DSCAM: variants seen among roughly 807,000 people sequenced by gnomAD.
The protein encoded by DSCAM is cell adhesion molecule DSCAM.
Under a neutral mutation model 217.7 loss-of-function variants are expected in DSCAM, and 47 were observed. The observed-to-expected ratio is 0.22, with a 90% CI of 0.17 to 0.28. The LOEUF (loss-of-function observed/expected upper bound fraction) is 0.28, where lower values mean the gene tolerates loss of function less well. DSCAM is among the 10% of genes least tolerant of loss of function. DSCAM has a pLI of 1.00. For missense variants in DSCAM, 2,080 were observed against 2,618.3 expected (o/e 0.79, Z 4.49); for synonymous variants, 1,056 against 1,015.3 (o/e 1.04, Z -0.76).
chr21:40,328,287 A>G (rs76782524), intron 8 of DSCAM, among the ~76,000 whole-genome samples: 15,490 of 152,132 alleles, frequency 0.1, 1,028 homozygotes, highest in African/African-American at 0.19. Context: ...ACTTCCATAA[A>G]ATCATAGACC....
intron 3 of DSCAM, among the ~76,000 whole-genome samples, chr21:40,455,696 G>A (rs538335888): frequency 9.9e-5 from 15 of 152,276 alleles, no homozygotes; most frequent in African/African-American, 3.4e-4. Flanking sequence ...TTGAATCCAG[G>A]AGGTGGAGGT....
At chr21:40,223,465 A>G (rs190536379) in intron 11 of DSCAM, among the ~76,000 whole-genome samples, 33 of 152,302 alleles carry the variant, frequency 2.2e-4, no homozygotes, top group Admixed American at 2.0e-4. Flanking sequence ...AAACACAGGT[A>G]AAAAAAGCTC....
At chr21:40,058,827 A>C (rs2089069326) in intron 28 of DSCAM, among the ~76,000 whole-genome samples, 1 of 152,218 alleles carries the variant, frequency 6.6e-6, no homozygotes, top group Admixed American at 6.5e-5. Flanking sequence ...CTCATTTGCA[A>C]CCTGGAAAAA....
intron 3 of DSCAM, among the ~76,000 whole-genome samples, chr21:40,405,041 C>A (rs748043907): frequency 1.3e-5 from 2 of 152,128 alleles, no homozygotes; most frequent in Non-Finnish European, 1.5e-5. Context: ...TTCAACTGGG[C>A]AGCTGGCTCC....
At chr21:40,167,968 G>A (rs571599035) in intron 15 of DSCAM, among the ~76,000 whole-genome samples, 24 of 152,276 alleles carry the variant, frequency 1.6e-4, no homozygotes, top group Non-Finnish European at 3.4e-4. Context: ...GGAGGCTGAG[G>A]TAGAATTGCT....
chr21:40,525,164 GT>G (rs2076391050), intron 3 of DSCAM, among the ~76,000 whole-genome samples: 1 of 152,100 alleles, frequency 6.6e-6, no homozygotes, highest in South Asian at 2.1e-4. Context: ...TACTACTTGT[GT>G]TTTTACATAC....
chr21:40,366,598 CA>C (rs1290042546), intron 4 of DSCAM, among the ~76,000 whole-genome samples: 1 of 152,006 alleles, frequency 6.6e-6, no homozygotes, highest in Admixed American at 6.6e-5. Flanking sequence ...TACTTATAAT[CA>C]AAACTTTTTT....
intron 1 of DSCAM, among the ~76,000 whole-genome samples, chr21:40,766,301 C>T (rs145938895): frequency 2.1e-3 from 326 of 151,926 alleles, no homozygotes; most frequent in African/African-American, 7.6e-3. Flanking sequence ...AAAACAGAGC[C>T]TTTCAATTTT....
intron 32 of DSCAM, among the ~76,000 whole-genome samples, chr21:40,020,393 A>G (rs2088242014): frequency 6.6e-6 from 1 of 152,148 alleles, no homozygotes; most frequent in South Asian, 2.1e-4. Context: ...CCTTGTGCTA[A>G]AACTTCTATC....
intron 1 of DSCAM, among the ~76,000 whole-genome samples, chr21:40,801,522 C>G (rs1445063375): frequency 6.6e-6 from 1 of 152,110 alleles, no homozygotes; most frequent in African/African-American, 2.4e-5. Flanking sequence ...CTTGAGGCTG[C>G]CTCTCTCATC....
At chr21:40,830,754 G>A (rs2092006257) in intron 1 of DSCAM, among the ~76,000 whole-genome samples, 1 of 152,146 alleles carries the variant, frequency 6.6e-6, no homozygotes, top group South Asian at 2.1e-4. Flanking sequence ...AAAGCACTTA[G>A]CACAGTTTCT....
At chr21:40,670,515 T>C (rs188686926) in intron 3 of DSCAM, among the ~76,000 whole-genome samples, 1,565 of 135,154 alleles carry the variant, frequency 0.012, 25 homozygotes, top group African/African-American at 0.039. Flanking sequence ...TCCAGCCTGG[T>C]GACAGAGCGA....
intron 30 of DSCAM, among the ~76,000 whole-genome samples, chr21:40,047,936 T>C (rs1344760755): frequency 6.6e-6 from 1 of 152,222 alleles, no homozygotes; most frequent in Non-Finnish European, 1.5e-5. Context: ...TGTCATTGAA[T>C]GTGCGTACAT....
At chr21:40,338,045 G>A (rs962464313) in intron 8 of DSCAM, 56 bp downstream of exon 8, 4 of 1,587,620 alleles carry the variant, frequency 2.5e-6, no homozygotes, top group African/African-American at 1.3e-5. Flanking sequence ...TCATTGGTCT[G>A]GGAAGTAGTC....
At chr21:40,084,098 C>G in intron 23 of DSCAM, 92 bp from the exon 24 acceptor site, 1 of 956,440 alleles carries the variant, frequency 1.0e-6, no homozygotes. Context: ...TTTTAACAGC[C>G]ATTTATTAAA....
chr21:40,335,271 G>T lies in DSCAM; in HGVS notation c.1783+2830C>A, dbSNP rs1053576265. On this transcript the variant is annotated intron_variant, in intron 8 of 32. Transcript: ENST00000400454. ...CATAAAATAATATTTTCCTTCTTTT[G>T]TTTGCAAGTACTTGCAAAGGAGCTG... Among the ~76,000 whole-genome samples the T allele has an allele frequency of 8.5e-5, 13 of 152,084 alleles. No individual in the cohort carries two copies. In the East Asian group the frequency reaches 2.5e-3, roughly 29 times the overall value.
intron 3 of DSCAM, among the ~76,000 whole-genome samples, chr21:40,569,592 C>G (rs1185103115): frequency 6.6e-6 from 1 of 152,148 alleles, no homozygotes; most frequent in Non-Finnish European, 1.5e-5. Flanking sequence ...CCCATAGTTG[C>G]TACAGCAATT....
At chr21:40,514,363 A>C (rs2076283497) in intron 3 of DSCAM, among the ~76,000 whole-genome samples, 1 of 152,212 alleles carries the variant, frequency 6.6e-6, no homozygotes, top group Non-Finnish European at 1.5e-5. Context: ...ATTGGACTAC[A>C]TCACCCTTTT....
rs147197503 is a variant in DSCAM, at chr21:40,146,087, G to A, written c.3019-1356C>T. On this transcript the variant is annotated intron_variant, in intron 16 of 32. Coordinates refer to ENST00000400454, the MANE Select transcript of DSCAM (RefSeq NM_001389.5). ...TCTCAAGCCTCTGAAAGCTTTCTCC[G>A]TCCTGAAAGTGTTTATAATCGACCT... 9.6e-4 allele frequency among the ~76,000 whole-genome samples: 146 copies of A among 152,090 alleles called. 2 individuals are homozygous for A. The Middle Eastern group carries it at 0.024, about 25-fold the overall frequency.
Sources: allele counts gnomAD v4.1 joint callset (sites outside exome capture counted in the v4.1 genomes callset), GRCh38; gene constraint gnomAD v4.1.1; transcripts MANE v1.5; gene names NCBI Gene and HGNC (gene_info 2026-07-23, HGNC 2026-07-21).